The following KL variants were observed in gnomAD, a reference collection of about 807,000 sequenced individuals.
KL encodes the protein klotho, also known as alpha-klotho.
A neutral mutation model predicts 84.2 loss-of-function variants in KL; 62 were observed. The ratio of observed to expected loss-of-function variants is 0.74; its 90% CI spans 0.60 to 0.91. The LOEUF (loss-of-function observed/expected upper bound fraction) is 0.91. Ranked by LOEUF, KL falls within the 40% of genes least tolerant of loss-of-function variation. The pLI, the probability that KL is intolerant of heterozygous loss-of-function variation, is 0.00. For missense variants in KL, 1,261 were observed against 1,305.7 expected (o/e 0.97, Z 0.53); for synonymous variants, 528 against 528.0 (o/e 1.00, Z 0.00).
chr13:33,033,091 T>C (rs1406838219), intron 1 of KL, among the ~76,000 whole-genome samples: 1 of 152,238 alleles, frequency 6.6e-6, no homozygotes, highest in Admixed American at 6.5e-5. Context: ...AATCATTACA[T>C]GATAACTCAA....
Position 33,016,480 on chromosome 13 carries a change from C to T in KL, c.40C>T (p.Pro14Ser). Reference sequence around the variant, plus strand: ...CCCGCCGCGCCGCCCGCGGCCGCCGCCGCCGTCGCTGTCGCTGCTGCTGGT... The same window carrying T: ...CCCGCCGCGCCGCCCGCGGCCGCCGTCGCCGTCGCTGTCGCTGCTGCTGGT... ...SAPPRRPRPP[P>S]PSLSLLLVLL... Residue 14 changes from proline (P) to serine (S), a missense_variant, in exon 1 of 5, where the codon CCG (proline) becomes TCG (serine). By Grantham distance (74) the Pro-to-Ser change is moderately conservative (BLOSUM62 -1). Transcript: ENST00000380099. 3 of 1,127,748 alleles carry T rather than the reference C, an allele frequency of 2.7e-6. No homozygotes were observed. Among genetic ancestry groups the T allele is most frequent in the Non-Finnish European group, 1.1e-6 (1 of 922,372 alleles). 69.9% of individuals were successfully genotyped at this position (1,127,748 alleles called of 1,614,324 possible). A position where few individuals can be genotyped will look rare whatever the true frequency, so the allele number is the denominator to read the frequency against.
At chr13:33,042,354 A>C (rs1593799672) in intron 1 of KL, among the ~76,000 whole-genome samples, 1 of 152,256 alleles carries the variant, frequency 6.6e-6, no homozygotes, top group East Asian at 1.9e-4. Flanking sequence ...GAATATTCTC[A>C]TTACCCCAGA....
chr13:33,018,175 T>C (rs73176817), intron 1 of KL, among the ~76,000 whole-genome samples: 12,247 of 152,304 alleles, frequency 0.08, 563 homozygotes, highest in Admixed American at 0.13. Context: ...GTACACTTTG[T>C]ACAGAGTTTT....
intron 3 of KL, among the ~76,000 whole-genome samples, chr13:33,059,293 CT>C (rs1872083085): frequency 1.3e-5 from 2 of 152,234 alleles, no homozygotes; most frequent in African/African-American, 4.8e-5. Context: ...TTCCTAAATA[CT>C]TTTTTTAAAT....
Position 33,053,910 on chromosome 13 carries a change from C to T in KL, c.963C>T (p.Asp321=). 1 of 1,614,152 alleles carries T rather than the reference C, an allele frequency of 6.2e-7. No homozygotes were observed. Among genetic ancestry groups the T allele is most frequent in the Non-Finnish European group, 8.5e-7 (1 of 1,180,030 alleles). ...TCAAAGAATGTCAAAAATCTCTGGA[C>T]TTTGTACTAGGTTGGTTTGCCAAAC... The part of the protein sequence containing the change: ...HSIKECQKSL[D]FVLGWFAKPV... Residue 321 remains aspartate, a synonymous_variant, in exon 2 of 5, where the codon GAC becomes GAT. Transcript: ENST00000380099.
chr13:33,040,981 T>C (rs1277264454), intron 1 of KL, among the ~76,000 whole-genome samples: 1 of 152,204 alleles, frequency 6.6e-6, no homozygotes, highest in African/African-American at 2.4e-5. Context: ...CTTGTTACTA[T>C]CTTTTTTGGT....
intron 1 of KL, among the ~76,000 whole-genome samples, chr13:33,035,434 A>G (rs551329069): frequency 2.0e-5 from 3 of 152,300 alleles, no homozygotes; most frequent in South Asian, 4.1e-4. Context: ...AGTTTTGTTG[A>G]TATTGGAGAG....
intron 1 of KL, among the ~76,000 whole-genome samples, chr13:33,043,949 T>C (rs1871430745): frequency 6.6e-6 from 1 of 151,580 alleles, no homozygotes; most frequent in Admixed American, 6.6e-5. Flanking sequence ...AAGAGACTAT[T>C]CTCTTACATT....
In KL at chr13:33,016,755, G is replaced by C. The variant is rs749454287; in HGVS notation, c.315G>C (p.Arg105=). 6.2e-7 allele frequency: 1 copy of C among 1,611,828 alleles called. No homozygotes were observed. Among genetic ancestry groups the C allele is most frequent in the Non-Finnish European group, 8.5e-7 (1 of 1,179,424 alleles). Residue 105 remains arginine, a synonymous_variant, in exon 1 of 5, where the codon CGG becomes CGC. Transcript: ENST00000380099. ...HHPLAPPGDS[R]NASLPLGAPS... is the part of the protein sequence containing the mutation. Reference sequence around the variant, plus strand: ...CCCTGGCACCCCCGGGAGACTCCCGGAACGCCAGTCTGCCGTTGGGCGCCC... The same window carrying C: ...CCCTGGCACCCCCGGGAGACTCCCGCAACGCCAGTCTGCCGTTGGGCGCCC...
rs767024408 is a variant in KL, at chr13:33,061,164, G to T, written c.2085G>T (p.Met695Ile). 1 of 1,614,240 alleles carries T rather than the reference G, an allele frequency of 6.2e-7. No homozygotes were observed. The highest frequency in any genetic ancestry group is 1.1e-5 in the South Asian group (1 of 91,082). ...ITMNEPYTRN[M>I]TYSAGHNLLK... is the part of the protein sequence containing the mutation. ...TGAATGAGCCGTATACAAGGAATAT[G>T]ACATACAGTGCTGGCCACAACCTTC... is the stretch of plus-strand genomic sequence containing the variant. Residue 695 changes from methionine to isoleucine, a missense_variant, in exon 4 of 5, where the codon ATG becomes ATT. Met to Ile is a conservative substitution (Grantham distance 10). Transcript: ENST00000380099.
chr13:33,041,960 G>GA (rs1871354267), intron 1 of KL, among the ~76,000 whole-genome samples: 2 of 152,124 alleles, frequency 1.3e-5, no homozygotes. Flanking sequence ...TTCTTCCCAA[G>GA]AATGTAAGCT....
In KL at chr13:33,055,257, C is replaced by T. The variant is rs1871914479; in HGVS notation, c.1541C>T (p.Pro514Leu). The change falls in exon 3 of 5, where the codon CCC becomes CTC. Residue 514 changes from proline to leucine, a missense_variant. Physicochemically the swap from Pro to Leu is moderately conservative, Grantham distance 98. Transcript: ENST00000380099. ...TTCCCTCCTTTACCTGAAAATCAGC[C>T]CCTAGAAGGGACATTTCCCTGTGAC... Reference protein sequence around the residue: ...NGFPPLPENQPLEGTFPCDFA... With the variant: ...NGFPPLPENQLLEGTFPCDFA... 1.2e-6 allele frequency: 2 copies of T among 1,614,034 alleles called. No homozygotes were observed. Among genetic ancestry groups the T allele is most frequent in the South Asian group, 1.1e-5 (1 of 91,088 alleles).
chr13:33,058,607 T>C (rs1381000864), intron 3 of KL, among the ~76,000 whole-genome samples: 1 of 152,180 alleles, frequency 6.6e-6, no homozygotes, highest in Non-Finnish European at 1.5e-5. Flanking sequence ...CCCAAAGTGC[T>C]GGGATTACAG....
chr13:33,016,385 G>C (rs1870323470), upstream of KL: 1 of 212,798 alleles, frequency 4.7e-6, no homozygotes, highest in South Asian at 1.5e-4. Flanking sequence ...GGGCGCGGCG[G>C]GGCGCGGGCA....
rs1593788703 is a variant in KL at position 33,022,308 on chromosome 13, T to C, written c.819+5049T>C. Among the ~76,000 whole-genome samples, 3 of 152,360 alleles carry C rather than the reference T, an allele frequency of 2.0e-5. 1 individual carries two copies. Among genetic ancestry groups the C allele is most frequent in the Admixed American group, 2.0e-4 (3 of 15,300 alleles). On this transcript the variant is annotated intron_variant, in intron 1 of 4. Coordinates refer to ENST00000380099, the MANE Select transcript of KL (RefSeq NM_004795.4). The stretch of plus-strand genomic sequence containing the variant: ...TTATCTTATATTCTCAAAAATATCA[T>C]TGCTCTAAACTAGAATTTTATTATA...
chr13:33,025,233 C>T (rs1870727471), intron 1 of KL, among the ~76,000 whole-genome samples: 1 of 152,134 alleles, frequency 6.6e-6, no homozygotes, highest in Non-Finnish European at 1.5e-5. Flanking sequence ...CGGGAGCAGT[C>T]AGGGAAAGCA....
At chr13:33,048,616 G>C (rs1348704042) in intron 1 of KL, among the ~76,000 whole-genome samples, 1 of 150,412 alleles carries the variant, frequency 6.6e-6, no homozygotes, top group Non-Finnish European at 1.5e-5. Flanking sequence ...ACGTTGACCT[G>C]CTTCAGAGTC....
chr13:33,039,276 A>G (rs1871251333), intron 1 of KL, among the ~76,000 whole-genome samples: 1 of 152,196 alleles, frequency 6.6e-6, no homozygotes, highest in Admixed American at 6.5e-5. Flanking sequence ...TTCCTGGGTT[A>G]TTTTAACTAA....
intron 2 of KL, 108 bp from the exon 3 acceptor site, chr13:33,054,939 A>C (rs1871897291): frequency 7.2e-7 from 1 of 1,388,438 alleles, no homozygotes; most frequent in Non-Finnish European, 1.0e-6. Context: ...CCAAACGAGA[A>C]GCATTACACT....
Sources: gnomAD v4.1 joint callset for allele counts (sites outside exome capture counted in the v4.1 genomes callset) on GRCh38, gnomAD v4.1.1 for gene constraint, MANE v1.5 for transcripts, NCBI Gene and HGNC (gene_info 2026-07-23, HGNC 2026-07-21) for gene names.